The following SOHLH2 variants were observed in gnomAD, a reference collection of about 807,000 sequenced individuals.
SOHLH2 encodes spermatogenesis- and oogenesis-specific basic helix-loop-helix-containing protein 2.
In SOHLH2, 22 loss-of-function variants were observed where a neutral mutation model predicts 50.4. The ratio of observed to expected loss-of-function variants is 0.44; its 90% CI spans 0.31 to 0.62. The LOEUF is 0.62. SOHLH2 is among the 20% of genes least tolerant of loss of function. The pLI is 0.08. For synonymous variants in SOHLH2, 185 were observed against 187.3 expected, an observed-to-expected ratio of 0.99 and a Z score of 0.10; for missense variants, 412 against 504.4, an observed-to-expected ratio of 0.82 and a Z score of 1.76.
intron 6 of SOHLH2, chr13:36,182,189 T>A (rs1183923511): frequency 1.0e-6 from 1 of 985,260 alleles, no homozygotes; most frequent in African/African-American, 1.7e-5. Context: ...GAGCAAAAGA[T>A]GGTAATACAG....
At chr13:36,212,401 T>G (rs1373158100) in intron 1 of SOHLH2, among the ~76,000 whole-genome samples, 4 of 152,326 alleles carry the variant, frequency 2.6e-5, no homozygotes, top group African/African-American at 9.6e-5. Flanking sequence ...GTTCCATAAC[T>G]CAAATTAACA....
chr13:36,211,698 G>A (rs1462302828), intron 1 of SOHLH2, among the ~76,000 whole-genome samples: 2 of 152,208 alleles, frequency 1.3e-5, no homozygotes, highest in East Asian at 3.8e-4. Flanking sequence ...AGTGACCCTC[G>A]TCTGAAGGAT....
rs980427135 is a variant in SOHLH2 at position 36,193,733 on chromosome 13, T to A, written c.326-8A>T. 6.2e-7 allele frequency: 1 copy of A among 1,607,766 alleles called. No individual in the cohort carries two copies. Among genetic ancestry groups the A allele is most frequent in the African/African-American group, 1.3e-5 (1 of 74,564 alleles). On this transcript the variant is annotated splice_polypyrimidine_tract_variant and splice_region_variant and intron_variant, in intron 3 of 10. Transcript: ENST00000379881. Reference sequence around the variant, plus strand: ...CATGCCCTGAAATACAACCTAAGAATCTTTATATTAAATATTGACCTTATA... The same window carrying A: ...CATGCCCTGAAATACAACCTAAGAAACTTTATATTAAATATTGACCTTATA...
chr13:36,191,647 T>A (rs1156626827), intron 5 of SOHLH2, 148 bp downstream of exon 5: 1 of 863,220 alleles, frequency 1.2e-6, no homozygotes, highest in Non-Finnish European at 1.7e-6. Context: ...TTTCCTTATA[T>A]TAAGTTGAAT....
chr13:36,174,295 G>A lies in SOHLH2; in HGVS notation c.881+181C>T, dbSNP rs559540406. Among the ~76,000 whole-genome samples, 15 of 152,248 alleles carry A rather than the reference G, an allele frequency of 9.9e-5. 1 individual carries two copies. The Middle Eastern group carries it at 0.014, about 138-fold the overall frequency. ...CATGATGAAAAAACCATGGACCTGA[G>A]AATATTACCTGTGTTTATCACTGCA... On this transcript the variant is annotated intron_variant, in intron 8 of 10. Transcript: ENST00000379881.
At chr13:36,183,806 T>A (rs1471712817) in intron 6 of SOHLH2, among the ~76,000 whole-genome samples, 2 of 152,184 alleles carry the variant, frequency 1.3e-5, no homozygotes, top group Non-Finnish European at 2.9e-5. Context: ...CAGGGAGTAC[T>A]AGCATAGAAA....
intron 1 of SOHLH2, among the ~76,000 whole-genome samples, chr13:36,207,409 C>T (rs938937178): frequency 2.0e-5 from 3 of 151,738 alleles, no homozygotes; most frequent in Non-Finnish European, 4.4e-5. Context: ...AATTTTTATA[C>T]CTTAAGTGCT....
chr13:36,170,404 G>A (rs955330248), intron 10 of SOHLH2, 127 bp downstream of exon 10: 6 of 1,428,174 alleles, frequency 4.2e-6, no homozygotes, highest in Admixed American at 5.5e-5. Flanking sequence ...TCAGGGTAGA[G>A]AGACTCAGAA....
intron 6 of SOHLH2, among the ~76,000 whole-genome samples, chr13:36,176,507 CT>C (rs995463432): frequency 6.6e-6 from 1 of 152,006 alleles, no homozygotes; most frequent in African/African-American, 2.4e-5. Context: ...AGATTTCAGA[CT>C]TTTTTGGATT....
rs776224525 is a variant in SOHLH2 at position 36,189,975 on chromosome 13, AAG to A, written c.610_611del (p.Leu204SerfsTer18). On this transcript the variant is annotated frameshift_variant, in exon 6 of 11. Transcript: ENST00000379881. LOFTEE classifies it high-confidence loss of function. The stretch of plus-strand genomic sequence containing the variant: ...TTAGTTTTTCCTTGCTTGAATGAAG[AAG>A]AGAGATCTTTTTGTTTTTCTCGAAC... ...SEFEKNKKIS[L>X]LHSSKEKLRR... is the part of the protein sequence containing the mutation. The A allele has an allele frequency of 6.2e-7, 1 of 1,600,730 alleles. No homozygotes were observed. The highest frequency in any genetic ancestry group is 8.5e-7 in the Non-Finnish European group (1 of 1,171,850).
chr13:36,180,272 C>T (rs541649843), intron 6 of SOHLH2, among the ~76,000 whole-genome samples: 1 of 152,110 alleles, frequency 6.6e-6, no homozygotes, highest in East Asian at 1.9e-4. Flanking sequence ...TTGTGTCTGT[C>T]TCCCAGCCTC....
At chr13:36,203,260 G>A (rs1404110633) in intron 1 of SOHLH2, among the ~76,000 whole-genome samples, 1 of 152,132 alleles carries the variant, frequency 6.6e-6, no homozygotes. Context: ...TTTTTGAAGT[G>A]AGTTGCTTTT....
At chr13:36,184,820 C>T (rs1264662265) in intron 6 of SOHLH2, among the ~76,000 whole-genome samples, 1 of 152,112 alleles carries the variant, frequency 6.6e-6, no homozygotes, top group Non-Finnish European at 1.5e-5. Flanking sequence ...GTTACATATG[C>T]ATACATGTGC....
intron 2 of SOHLH2, among the ~76,000 whole-genome samples, chr13:36,198,059 C>T (rs2183050): frequency 0.4 from 60,748 of 151,938 alleles, 12,118 homozygotes; most frequent in South Asian, 0.44. Context: ...GTTAGATCTC[C>T]GTGGCTCACA....
chr13:36,182,240 T>A (rs1422389511), intron 6 of SOHLH2: 34 of 985,252 alleles, frequency 3.5e-5, no homozygotes, highest in Non-Finnish European at 3.7e-5. Context: ...TCAGACAAAA[T>A]CTTGTATACA....
At position 36,174,525 on chromosome 13, in the gene SOHLH2, G is replaced by C. The variant is rs1887050218; in HGVS notation, c.832C>G (p.Gln278Glu). The C allele has an allele frequency of 6.2e-7, 1 of 1,613,988 alleles. No homozygotes were observed. The highest frequency in any genetic ancestry group is 1.3e-5 in the African/African-American group (1 of 74,888). ...AGAGACAGCTCAATGGGTGTTTGTT[G>C]TTTCTTACAAAACCTCATGTTGCTC... ...LQSNMRFCKK[Q>E]QTPIELSLPG... Residue 278 changes from glutamine to glutamate, a missense_variant, in exon 8 of 11, where the codon CAA becomes GAA. Gln to Glu is a conservative substitution (Grantham distance 29, BLOSUM62 2). Coordinates refer to ENST00000379881, the MANE Select transcript of SOHLH2 (RefSeq NM_017826.3).
chr13:36,187,282 G>T (rs1157837793), intron 6 of SOHLH2, among the ~76,000 whole-genome samples: 1 of 151,992 alleles, frequency 6.6e-6, no homozygotes, highest in Non-Finnish European at 1.5e-5. Context: ...ATTAGATCTG[G>T]ACATGAAAAA....
intron 1 of SOHLH2, among the ~76,000 whole-genome samples, chr13:36,213,524 C>G (rs149886653): frequency 6.6e-6 from 1 of 152,214 alleles, no homozygotes; most frequent in East Asian, 1.9e-4. Flanking sequence ...AGATGAAAGC[C>G]CCCCTCCCCA....
chr13:36,173,462 T>A (rs1002645481), intron 9 of SOHLH2, among the ~76,000 whole-genome samples: 23 of 152,246 alleles, frequency 1.5e-4, no homozygotes, highest in African/African-American at 5.3e-4. Context: ...GCTTATCATC[T>A]ATCAACAGAA....
Sources: gnomAD v4.1 joint callset for allele counts (sites outside exome capture counted in the v4.1 genomes callset) on GRCh38, gnomAD v4.1.1 for gene constraint, MANE v1.5 for transcripts, NCBI Gene and HGNC (gene_info 2026-07-23, HGNC 2026-07-21) for gene names.